TNNI3K: variants seen among roughly 807,000 people sequenced by gnomAD.
TNNI3K encodes TNNI3 interacting kinase, also known as serine/threonine-protein kinase TNNI3K.
Under a neutral mutation model 114.5 loss-of-function variants are expected in TNNI3K, and 140 were observed. The ratio of observed to expected loss-of-function variants is 1.22; its 90% CI spans 1.07 to 1.41. TNNI3K has a LOEUF of 1.41. TNNI3K is among the 40% of genes most tolerant of loss of function. The probability of loss-of-function intolerance (pLI) is 0.00; values close to 1 mark genes in which losing one functional copy is unlikely to be tolerated. For missense variants in TNNI3K, 1,125 were observed against 1,007.6 expected, an observed-to-expected ratio of 1.12 and a Z score of -1.58; for synonymous variants, 347 against 347.5, an observed-to-expected ratio of 1.00 and a Z score of 0.02.
chr1:74,341,527 G>A (rs1438745220), intron 7 of TNNI3K: 1 of 151,496 alleles, frequency 6.6e-6, no homozygotes, highest in Non-Finnish European at 1.5e-5. Context: ...TGAGGAAAGA[G>A]AGTGTATCTG....
At chr1:74,536,750 T>C (rs1570756014) in intron 23 of TNNI3K, among the ~76,000 whole-genome samples, 1 of 152,188 alleles carries the variant, frequency 6.6e-6, no homozygotes, top group East Asian at 1.9e-4. Flanking sequence ...TAAAGAAGAC[T>C]ACCTAGTTGA....
chr1:74,367,105 G>T, intron 11 of TNNI3K, 151 bp from the exon 12 acceptor site: 1 of 719,052 alleles, frequency 1.4e-6, no homozygotes. Flanking sequence ...TTGAACCAAA[G>T]AATGAATGAA....
intron 17 of TNNI3K, chr1:74,375,459 A>G (rs567338321): frequency 4.8e-6 from 2 of 419,194 alleles, no homozygotes; most frequent in East Asian, 7.3e-5. Context: ...ATAATGGTTT[A>G]GGAATCACAT....
chr1:74,468,623 A>G (rs1210894899), intron 21 of TNNI3K: 1 of 152,160 alleles, frequency 6.6e-6, no homozygotes, highest in African/African-American at 2.4e-5. Flanking sequence ...AAGGGAAACA[A>G]AAGAGGCGGG....
chr1:74,443,637 G>C (rs938511570), intron 20 of TNNI3K, among the ~76,000 whole-genome samples: 1 of 152,092 alleles, frequency 6.6e-6, no homozygotes, highest in African/African-American at 2.4e-5. Flanking sequence ...GAAAAGGAAG[G>C]ACTCCTCCCT....
intron 17 of TNNI3K, among the ~76,000 whole-genome samples, chr1:74,394,164 G>A (rs991128051): frequency 6.6e-6 from 1 of 152,066 alleles, no homozygotes; most frequent in Non-Finnish European, 1.5e-5. Flanking sequence ...TAAGCTAATG[G>A]GAAAACCTCC....
rs188550247 is a variant in TNNI3K at position 74,514,279 on chromosome 1, A to C, written c.2351+22013A>C. 4.7e-3 allele frequency among the ~76,000 whole-genome samples: 716 copies of C among 152,278 alleles called. 6 individuals are homozygous for C. Among genetic ancestry groups the C allele is most frequent in the African/African-American group, 0.017 (691 of 41,572 alleles). On this transcript the variant is annotated intron_variant, in intron 23 of 24. Coordinates refer to ENST00000326637, the MANE Select transcript of TNNI3K (RefSeq NM_015978.3). ...AGCAATTGTTTTAAAGCGTTTTCAC[A>C]CAATTCTATGTATTTGTCAGAGGCT...
chr1:74,272,051 C>T (rs1396358916), intron 5 of TNNI3K, among the ~76,000 whole-genome samples: 1 of 151,930 alleles, frequency 6.6e-6, no homozygotes, highest in African/African-American at 2.4e-5. Context: ...TATTAGTAAG[C>T]CTATTATAAT....
intron 5 of TNNI3K, among the ~76,000 whole-genome samples, chr1:74,315,283 A>G (rs1209440231): frequency 1.3e-5 from 2 of 152,172 alleles, no homozygotes; most frequent in Non-Finnish European, 2.9e-5. Context: ...TTTAAATACT[A>G]TTTCCAAGAC....
intron 21 of TNNI3K, chr1:74,470,264 T>C (rs540635923): frequency 5.0e-6 from 2 of 400,644 alleles, no homozygotes; most frequent in South Asian, 1.3e-4. Flanking sequence ...TTTTCACTTG[T>C]TCCATTTTCC....
intron 23 of TNNI3K, among the ~76,000 whole-genome samples, chr1:74,506,483 G>A (rs1240671090): frequency 2.0e-5 from 3 of 152,138 alleles, no homozygotes; most frequent in Non-Finnish European, 2.9e-5. Flanking sequence ...CAAGAGAGCT[G>A]CTCTCATACT....
At chr1:74,258,163 A>G (rs933188809) in intron 4 of TNNI3K, among the ~76,000 whole-genome samples, 3 of 152,136 alleles carry the variant, frequency 2.0e-5, no homozygotes, top group African/African-American at 7.2e-5. Context: ...ACCTTTTAGC[A>G]ATAAATCAGG....
chr1:74,247,853 G>A (rs955326775), intron 2 of TNNI3K, among the ~76,000 whole-genome samples: 1 of 152,152 alleles, frequency 6.6e-6, no homozygotes, highest in African/African-American at 2.4e-5. Context: ...TAGATCCCAC[G>A]CAGGGGCCGC....
intron 23 of TNNI3K, among the ~76,000 whole-genome samples, chr1:74,535,539 T>C (rs1223806986): frequency 6.6e-6 from 1 of 152,108 alleles, no homozygotes; most frequent in Non-Finnish European, 1.5e-5. Context: ...ACTTGTCACA[T>C]CTTGTGACCT....
At chr1:74,454,980 T>C (rs1667171092) in intron 20 of TNNI3K, among the ~76,000 whole-genome samples, 1 of 152,188 alleles carries the variant, frequency 6.6e-6, no homozygotes, top group Admixed American at 6.5e-5. Context: ...GGTATTATTA[T>C]TATTATTATC....
At chr1:74,493,956 G>T (rs541713141) in intron 23 of TNNI3K, among the ~76,000 whole-genome samples, 216 of 152,314 alleles carry the variant, frequency 1.4e-3, no homozygotes, top group Non-Finnish European at 5.4e-4. Context: ...ATGGGTAACT[G>T]GAGTGGGAAT....
intron 17 of TNNI3K, among the ~76,000 whole-genome samples, chr1:74,399,593 C>A (rs2100587645): frequency 6.6e-6 from 1 of 152,150 alleles, no homozygotes; most frequent in East Asian, 1.9e-4. Context: ...GGGCGGTGGA[C>A]ACATTACACT....
intron 6 of TNNI3K, 86 bp downstream of exon 6, chr1:74,331,634 A>C (rs1660211831): frequency 5.2e-6 from 6 of 1,162,958 alleles, no homozygotes. Flanking sequence ...AAGAGTTTAT[A>C]TTTAAAATAT....
At chr1:74,295,017 T>A (rs1210750129) in intron 5 of TNNI3K, among the ~76,000 whole-genome samples, 2 of 152,058 alleles carry the variant, frequency 1.3e-5, no homozygotes, top group Non-Finnish European at 2.9e-5. Context: ...CATTTAAGAC[T>A]ATAGTTTTTC....
Sources: gnomAD v4.1 joint callset for allele counts (sites outside exome capture counted in the v4.1 genomes callset) on GRCh38, gnomAD v4.1.1 for gene constraint, MANE v1.5 for transcripts, NCBI Gene and HGNC (gene_info 2026-07-23, HGNC 2026-07-21) for gene names.